The following NPTX1 variants were observed in gnomAD, a reference collection of about 807,000 sequenced individuals.
The protein encoded by NPTX1 is neuronal pentraxin-1.
NPTX1 carries 12 observed loss-of-function variants against 38.7 expected under a neutral mutation model. That is an observed-to-expected ratio of 0.31 (90% CI 0.20 to 0.50). The LOEUF is 0.50. Among genes scored for constraint, NPTX1 ranks in the 20% least tolerant of loss-of-function variants. The pLI is 0.98. For missense variants in NPTX1, 454 were observed against 592.2 expected (o/e 0.77, Z 2.42); for synonymous variants, 272 against 264.9 (o/e 1.03, Z -0.26).
chr17:80,473,856 ACCGACC>A, intron 2 of NPTX1: 1 of 209,028 alleles, frequency 4.8e-6, no homozygotes, highest in Non-Finnish European at 9.8e-6. Context: ...CCTGAGAGTA[ACCGACC>A]TGATTCCAGG....
Position 80,470,911 on chromosome 17 carries a change from C to A in NPTX1, c.1201G>T (p.Ala401Ser). The A allele has an allele frequency of 6.2e-7, 1 of 1,613,694 alleles. No individual in the cohort carries two copies. The highest frequency in any genetic ancestry group is 8.5e-7 in the Non-Finnish European group (1 of 1,179,704). The part of the protein sequence containing the change: ...VYNLATCSTK[A>S]LSGNVIAWAE... ...CAGGCGATGACATTGCCGGACAGAGCCTTGGTGCTGCAGGTGGCCAGGTTG... is the reference window on the plus strand; with the variant it reads ...CAGGCGATGACATTGCCGGACAGAGACTTGGTGCTGCAGGTGGCCAGGTTG... The change falls in exon 5 of 5, where the codon GCT becomes TCT. Residue 401 changes from alanine (A) to serine (S), a missense_variant. By Grantham distance (99) the Ala-to-Ser change is moderately conservative. Coordinates refer to ENST00000306773, the MANE Select transcript of NPTX1 (RefSeq NM_002522.4).
At chr17:80,473,141 C>G in intron 3 of NPTX1, 59 bp downstream of exon 3, 2 of 1,579,020 alleles carry the variant, frequency 1.3e-6, no homozygotes, top group Non-Finnish European at 1.7e-6. Context: ...CCGCATGCAA[C>G]ATGAGCTGGG....
rs1049676696 is a variant in NPTX1 at position 80,471,609 on chromosome 17, C to T, written c.1077+123G>A. On this transcript the variant is annotated intron_variant, in intron 4 of 4. Transcript: ENST00000306773. Reference sequence around the variant, plus strand: ...GGGCACAGGCCTTGCCCAGCCTGCTCCCCGGGCTGCTTCTCAGGGGAACCA... The same window carrying T: ...GGGCACAGGCCTTGCCCAGCCTGCTTCCCGGGCTGCTTCTCAGGGGAACCA... The T allele has an allele frequency of 1.6e-4, 236 of 1,448,726 alleles. 2 individuals carry two copies. Among genetic ancestry groups the T allele is most frequent in the South Asian group, 1.5e-3 (103 of 70,882 alleles). 89.7% of individuals were successfully genotyped at this position (1,448,726 alleles called of 1,614,324 possible).
At chr17:80,473,887 A>ACC in intron 2 of NPTX1, 1 of 193,054 alleles carries the variant, frequency 5.2e-6, no homozygotes. Flanking sequence ...GGCGGGGCTC[A>ACC]GAGCCTCTCC....
intron 3 of NPTX1, among the ~76,000 whole-genome samples, chr17:80,472,771 G>A (rs1455135072): frequency 2.0e-5 from 3 of 152,122 alleles, no homozygotes; most frequent in South Asian, 2.1e-4. Flanking sequence ...TCCTCCTCCC[G>A]AGAGTTAGGG....
rs2083815874 is a variant in NPTX1, at chr17:80,468,041, A to C, written c.*2772T>G. On this transcript the variant is annotated 3_prime_UTR_variant, in exon 5 of 5. Transcript: ENST00000306773. ...TGCTTTTTATCTTCTTGTTTTATAA[A>C]ATGGCTTACCTGAGAGAGGCATGTA... 1 of 152,662 alleles carries C rather than the reference A, an allele frequency of 6.6e-6. No individual in the cohort carries two copies. The highest frequency in any genetic ancestry group is 6.5e-5 in the Admixed American group (1 of 15,286). The allele number at this position is 152,662 out of a possible 1,614,324, so 9.5% of individuals were successfully genotyped here.
At position 80,475,874 on chromosome 17, in the gene NPTX1, G is replaced by A. The variant is rs1387383028; in HGVS notation, c.444+129C>T. ...CCGCGGGGCCTCGCAGGCGCGGGGA[G>A]GCACCGGCCGGGCACCCGCGCGGCT... On this transcript the variant is annotated intron_variant, in intron 1 of 4. Transcript: ENST00000306773. This position sits in a 1 kb window ranked among gnomAD's most constrained non-coding sequence, Gnocchi z 6.5. 1.2e-6 allele frequency: 1 copy of A among 864,274 alleles called. No individual in the cohort carries two copies. The highest frequency in any genetic ancestry group is 3.3e-5 in the East Asian group (1 of 29,922). The allele number at this position is 864,274 out of a possible 1,614,324, so 53.5% of individuals were successfully genotyped here. A position where few individuals can be genotyped will look rare whatever the true frequency, so the allele number is the denominator to read the frequency against.
rs1461198975 is a variant in NPTX1 at position 80,475,942 on chromosome 17, G to A, written c.444+61C>T. 1.4e-6 allele frequency: 2 copies of A among 1,392,286 alleles called. No individual in the cohort carries two copies. The highest frequency in any genetic ancestry group is 2.0e-6 in the Non-Finnish European group (2 of 997,296). 86.2% of individuals were successfully genotyped at this position (1,392,286 alleles called of 1,614,324 possible). On this transcript the variant is annotated intron_variant, in intron 1 of 4. Coordinates refer to ENST00000306773, the MANE Select transcript of NPTX1 (RefSeq NM_002522.4). This position sits in a 1 kb window ranked among gnomAD's most constrained non-coding sequence, Gnocchi z 6.5. ...TGCCTGGCCGGGTAGGGAACGGGGT[G>A]GGGGAGGGCAGAGGGGCGAGCGAGC...
rs2083877228 is a variant in NPTX1, at chr17:80,475,807, G to T, written c.445-89C>A. The T allele has an allele frequency of 2.8e-6, 3 of 1,082,870 alleles. No individual in the cohort carries two copies. Among genetic ancestry groups the T allele is most frequent in the South Asian group, 1.6e-5 (1 of 64,162 alleles). The allele number at this position is 1,082,870 out of a possible 1,614,324, so 67.1% of individuals were successfully genotyped here. ...GCCCGCGGCGCGGTCCCCTCTGGGC[G>T]ACTGCGGGGGCGGCCTGGCAGGGAG... On this transcript the variant is annotated intron_variant, in intron 1 of 4. Coordinates refer to ENST00000306773, the MANE Select transcript of NPTX1 (RefSeq NM_002522.4). This position sits in a 1 kb window ranked among gnomAD's most constrained non-coding sequence, Gnocchi z 6.5.
chr17:80,475,398 C>T lies in NPTX1; in HGVS notation c.652+113G>A, dbSNP rs1031035548. The T allele has an allele frequency of 7.8e-6, 6 of 770,536 alleles. No individual in the cohort carries two copies. The East Asian group carries it at 1.1e-4, about 14-fold the overall frequency. 47.7% of individuals were successfully genotyped at this position (770,536 alleles called of 1,614,324 possible). ...AAAGCGGTGCAGGGGTTGGGGGTAG[C>T]GGAGCGGCTTGAGGCTTGCACAGTG... On this transcript the variant is annotated intron_variant, in intron 2 of 4. Coordinates refer to ENST00000306773, the MANE Select transcript of NPTX1 (RefSeq NM_002522.4). This position sits in a 1 kb window ranked among gnomAD's most constrained non-coding sequence, Gnocchi z 6.5.
chr17:80,475,536 G>C lies in NPTX1; in HGVS notation c.627C>G (p.His209Gln), dbSNP rs1190514189. ...CTTTCTCGAGCTCGCTGATCCGCTGGTGCAGGGAGGTCAGGGCGGTCTCGA... is the reference window on the plus strand; with the variant it reads ...CTTTCTCGAGCTCGCTGATCCGCTGCTGCAGGGAGGTCAGGGCGGTCTCGA... ...VKIETALTSL[H>Q]QRISELEKGQ... The change falls in exon 2 of 5, where the codon CAC (histidine) becomes CAG (glutamine). Residue 209 changes from histidine to glutamine, a missense_variant. By Grantham distance (24) the His-to-Gln change is conservative. Transcript: ENST00000306773. This position sits in a 1 kb window ranked among gnomAD's most constrained non-coding sequence, Gnocchi z 6.5. 5 of 1,612,458 alleles carry C rather than the reference G, an allele frequency of 3.1e-6. No individual in the cohort carries two copies. Among genetic ancestry groups the C allele is most frequent in the Admixed American group, 1.7e-5 (1 of 59,978 alleles).
In NPTX1 at chr17:80,473,338, G is replaced by T. The variant is rs1160906820; in HGVS notation, c.759C>A (p.Phe253Leu). ...TGGACTTGAGCCACATGCAGACAGTGAAGGCGTACATCTCTGGCAGGCTCT... is the reference window on the plus strand; with the variant it reads ...TGGACTTGAGCCACATGCAGACAGTTAAGGCGTACATCTCTGGCAGGCTCT... ...VKKSLPEMYA[F>L]TVCMWLKSSA... Residue 253 changes from phenylalanine to leucine, a missense_variant, in exon 3 of 5, where the codon TTC (phenylalanine) becomes TTA (leucine). Transcript: ENST00000306773. 6.2e-7 allele frequency: 1 copy of T among 1,614,088 alleles called. No homozygotes were observed. Among genetic ancestry groups the T allele is most frequent in the Non-Finnish European group, 8.5e-7 (1 of 1,180,018 alleles).
rs1277047767 is a variant in NPTX1 at position 80,467,056 on chromosome 17, T to C, written c.*3757A>G. ...CTTTGGTTAGCAAATAATGAAAAAG[T>C]GAGATACATCGATTCTCTTTCATAT... is the stretch of plus-strand genomic sequence containing the variant. On this transcript the variant is annotated 3_prime_UTR_variant, in exon 5 of 5. Coordinates refer to ENST00000306773, the MANE Select transcript of NPTX1 (RefSeq NM_002522.4). The C allele has an allele frequency of 6.6e-6, 1 of 151,336 alleles. No homozygotes were observed. 9.4% of individuals were successfully genotyped at this position (151,336 alleles called of 1,614,324 possible). A position where few individuals can be genotyped will look rare whatever the true frequency, so the allele number is the denominator to read the frequency against.
chr17:80,475,746 A>C lies in NPTX1; in HGVS notation c.445-28T>G. The C allele has an allele frequency of 6.4e-7, 1 of 1,552,856 alleles. No individual in the cohort carries two copies. The highest frequency in any genetic ancestry group is 1.1e-5 in the South Asian group (1 of 89,320). ...GCGGGGTGCAAGGGCGGGGGAAACC[A>C]CACCGTTAGGCGAGGCGCGGGGACC... On this transcript the variant is annotated intron_variant, in intron 1 of 4. Coordinates refer to ENST00000306773, the MANE Select transcript of NPTX1 (RefSeq NM_002522.4). The surrounding 1 kb of genome is among the most constrained non-coding windows in gnomAD (Gnocchi z 6.5).
chr17:80,471,382 A>G (rs1375423277), intron 4 of NPTX1, among the ~76,000 whole-genome samples: 1 of 152,164 alleles, frequency 6.6e-6, no homozygotes, highest in East Asian at 1.9e-4. Flanking sequence ...AAGCTGCCCA[A>G]CAGGGACAGA....
chr17:80,475,891 C>G lies in NPTX1; in HGVS notation c.444+112G>C. 1.0e-6 allele frequency: 1 copy of G among 960,208 alleles called. No homozygotes were observed. The highest frequency in any genetic ancestry group is 1.4e-6 in the Non-Finnish European group (1 of 697,724). The allele number at this position is 960,208 out of a possible 1,614,324, so 59.5% of individuals were successfully genotyped here. On this transcript the variant is annotated intron_variant, in intron 1 of 4. Coordinates refer to ENST00000306773, the MANE Select transcript of NPTX1 (RefSeq NM_002522.4). This position sits in a 1 kb window ranked among gnomAD's most constrained non-coding sequence, Gnocchi z 6.5. ...CGCGGGGAGGCACCGGCCGGGCACCCGCGCGGCTGAGGCGAGGGCGGGGGA... is the reference window on the plus strand; with the variant it reads ...CGCGGGGAGGCACCGGCCGGGCACCGGCGCGGCTGAGGCGAGGGCGGGGGA...
At position 80,475,439 on chromosome 17, in the gene NPTX1, A is replaced by ATCGGGACCGAGGC; in HGVS notation, c.652+71_652+72insGCCTCGGTCCCGA. 1 of 1,212,688 alleles carries ATCGGGACCGAGGC rather than the reference A, an allele frequency of 8.2e-7. No individual in the cohort carries two copies. The highest frequency in any genetic ancestry group is 1.2e-6 in the Non-Finnish European group (1 of 860,612). 75.1% of individuals were successfully genotyped at this position (1,212,688 alleles called of 1,614,324 possible). On this transcript the variant is annotated intron_variant, in intron 2 of 4. Coordinates refer to ENST00000306773, the MANE Select transcript of NPTX1 (RefSeq NM_002522.4). This position sits in a 1 kb window ranked among gnomAD's most constrained non-coding sequence, Gnocchi z 6.5. ...TTGCACAGTGCAGAGCTGGGCTGTT[A>ATCGGGACCGAGGC]GGGATCGGGACCGAGGCAGGGTCGG...
At chr17:80,474,973 A>T (rs543196342) in intron 2 of NPTX1, among the ~76,000 whole-genome samples, 3 of 152,292 alleles carry the variant, frequency 2.0e-5, no homozygotes, top group East Asian at 3.9e-4. Context: ...AGAAAACCTC[A>T]GGGTAGGGGT....
chr17:80,473,553 G>T, intron 2 of NPTX1, 109 bp from the exon 3 acceptor site: 5 of 1,162,352 alleles, frequency 4.3e-6, no homozygotes, highest in South Asian at 2.8e-5. Flanking sequence ...GGCAGGCTCC[G>T]GTCTCCATTC....
Sources: allele counts gnomAD v4.1 joint callset (sites outside exome capture counted in the v4.1 genomes callset), GRCh38; gene constraint gnomAD v4.1.1; non-coding constraint Gnocchi (gnomAD v3.1); transcripts MANE v1.5; gene names NCBI Gene and HGNC (gene_info 2026-07-23, HGNC 2026-07-21).